The following GTF3C2 variants were observed in gnomAD, a reference collection of about 807,000 sequenced individuals.
GTF3C2 encodes the protein general transcription factor 3C polypeptide 2.
In GTF3C2, 17 loss-of-function variants were observed where a neutral mutation model predicts 117.4. The observed-to-expected ratio is 0.14, with a 90% confidence interval of 0.10 to 0.22. The LOEUF (loss-of-function observed/expected upper bound fraction) is 0.22. Among genes scored for constraint, GTF3C2 ranks in the 10% least tolerant of loss-of-function variants. The probability of loss-of-function intolerance (pLI) is 1.00; values close to 1 mark genes in which losing one functional copy is unlikely to be tolerated. For synonymous variants in GTF3C2, 437 were observed against 427.0 expected (o/e 1.02, Z -0.29); for missense variants, 888 against 1,143.6 (o/e 0.78, Z 3.22).
chr2:27,356,130 G>T, intron 1 of GTF3C2: 2 of 1,287,202 alleles, frequency 1.6e-6, no homozygotes, highest in Non-Finnish European at 2.0e-6. Context: ...CGACGGAGTT[G>T]AAGTCGCCAC....
In GTF3C2 at chr2:27,355,339, G is replaced by A. The variant is rs1363822022; in HGVS notation, c.-25+1400C>T. On this transcript the variant is annotated intron_variant, in intron 1 of 18. Coordinates refer to ENST00000264720, the Ensembl canonical transcript of GTF3C2. ...AGTTCGAGACCAGCCTGACCAACAT[G>A]GTAAAACCCCGTCTCTACTAAAAAT... 2.6e-5 allele frequency among the ~76,000 whole-genome samples: 4 copies of A among 152,214 alleles called. No individual in the cohort carries two copies. The East Asian group carries it at 7.7e-4, about 29-fold the overall frequency.
At chr2:27,336,294 C>A in exon 8 of GTF3C2, 1 of 1,614,126 alleles carries the variant, frequency 6.2e-7, no homozygotes, top group East Asian at 2.2e-5. Flanking sequence ...CATGTCAGGG[C>A]TGGAGAAAAG....
intron 4 of GTF3C2, chr2:27,340,577 C>A (rs894651827): frequency 6.6e-6 from 1 of 151,876 alleles, no homozygotes; most frequent in African/African-American, 2.4e-5. Context: ...CTCTTCTCTT[C>A]CTTCACTGCT....
At position 27,339,308 on chromosome 2, in the gene GTF3C2, G is replaced by A. The variant is rs1680627751; in HGVS notation, c.856-1288C>T. Among the ~76,000 whole-genome samples the A allele has an allele frequency of 3.3e-5, 5 of 151,584 alleles. No individual in the cohort carries two copies. In the South Asian group the frequency reaches 1.0e-3, roughly 32 times the overall value. The stretch of plus-strand genomic sequence containing the variant: ...CGTAATCTCAGCTACTTGGGAGGCT[G>A]AGGCGGGAGCATTGCTTGAACCCGG... On this transcript the variant is annotated intron_variant, in intron 4 of 18. Coordinates refer to ENST00000264720, the Ensembl canonical transcript of GTF3C2.
rs1572572377 is a variant in GTF3C2 at position 27,338,265 on chromosome 2, A to G, written c.856-245T>C. ...TCTGTTCAGCTTCCTCAACATCTCC[A>G]TGGTATTTGATTCACAGGATTCCCT... On this transcript the variant is annotated intron_variant, in intron 4 of 18. Transcript: ENST00000264720. The G allele has an allele frequency of 1.1e-5, 5 of 472,180 alleles. No homozygotes were observed. The South Asian group carries it at 1.1e-4, about 10-fold the overall frequency. 29.2% of individuals were successfully genotyped at this position (472,180 alleles called of 1,614,324 possible). A position where few individuals can be genotyped will look rare whatever the true frequency, so the allele number is the denominator to read the frequency against.
chr2:27,353,336 T>C (rs1041785768), intron 1 of GTF3C2, among the ~76,000 whole-genome samples: 2 of 149,856 alleles, frequency 1.3e-5, no homozygotes, highest in Non-Finnish European at 3.0e-5. Context: ...TGAGCCAAGA[T>C]TGCACCACTG....
exon 4 of GTF3C2, chr2:27,342,161 C>T (rs1305252605): frequency 6.2e-7 from 1 of 1,614,172 alleles, no homozygotes. Context: ...CCTTGGGGCC[C>T]TCAGGACAGG....
chr2:27,343,501 C>G, exon 2 of GTF3C2: 1 of 1,613,952 alleles, frequency 6.2e-7, no homozygotes, highest in Non-Finnish European at 8.5e-7. Flanking sequence ...CAGTCATGTT[C>G]CCCACGGGGC....
chr2:27,326,801 G>A (rs762045776), exon 19 of GTF3C2: 3 of 1,613,676 alleles, frequency 1.9e-6, no homozygotes, highest in Admixed American at 3.3e-5. Context: ...CCAGTGGGGA[G>A]GCGAGTCCAC....
intron 1 of GTF3C2, among the ~76,000 whole-genome samples, chr2:27,345,742 T>A (rs1456618395): frequency 6.6e-6 from 1 of 151,202 alleles, no homozygotes; most frequent in Non-Finnish European, 1.5e-5. Flanking sequence ...AGATGGAGTT[T>A]CACTATCGTT....
chr2:27,343,195 T>G, intron 2 of GTF3C2, 48 bp from the exon 3 acceptor site: 1 of 1,507,962 alleles, frequency 6.6e-7, no homozygotes. Context: ...AACTCAAACC[T>G]CTATGGAAAA....
At chr2:27,338,267 G>T (rs1007942794) in intron 4 of GTF3C2, 1 of 471,686 alleles carries the variant, frequency 2.1e-6, no homozygotes, top group Admixed American at 3.4e-5. Context: ...ACATCTCCAT[G>T]GTATTTGATT....
At chr2:27,345,534 A>G (rs1018555114) in intron 1 of GTF3C2, among the ~76,000 whole-genome samples, 1 of 151,450 alleles carries the variant, frequency 6.6e-6, no homozygotes, top group Admixed American at 6.6e-5. Flanking sequence ...TGGAGGTTGC[A>G]GCGAGCCGAG....
At chr2:27,356,455 T>C (rs1681387623) in intron 1 of GTF3C2, 1 of 255,110 alleles carries the variant, frequency 3.9e-6, no homozygotes, top group Admixed American at 4.3e-5. Context: ...ACGCTACGTA[T>C]GCAGCGCCTA....
In GTF3C2 at chr2:27,336,047, TG is replaced by T. The variant is rs776686408; in HGVS notation, c.1356-20del. 9 of 1,528,850 alleles carry T rather than the reference TG, an allele frequency of 5.9e-6. No individual in the cohort carries two copies. In the East Asian group the frequency reaches 1.8e-4, roughly 31 times the overall value. The allele number at this position is 1,528,850 out of a possible 1,614,324, so 94.7% of individuals were successfully genotyped here. A position where few individuals can be genotyped will look rare whatever the true frequency, so the allele number is the denominator to read the frequency against. ...GCCAGGACTGGAGAGAGAGAGCATGTGGGGATGGTGGGTAGGAAGAAGGGAC... is the reference window on the plus strand; with the variant it reads ...GCCAGGACTGGAGAGAGAGAGCATGTGGGATGGTGGGTAGGAAGAAGGGAC... On this transcript the variant is annotated intron_variant, in intron 8 of 18. Coordinates refer to ENST00000264720, the Ensembl canonical transcript of GTF3C2.
chr2:27,328,433 A>AT (rs1447883546), intron 16 of GTF3C2, 35 bp downstream of exon 16: 2 of 1,611,902 alleles, frequency 1.2e-6, no homozygotes, highest in Non-Finnish European at 1.7e-6. Flanking sequence ...GTGGGTTAGG[A>AT]TCCAACAGCT....
At chr2:27,341,821 CT>C in intron 4 of GTF3C2, 126 bp downstream of exon 4, 1 of 781,552 alleles carries the variant, frequency 1.3e-6, no homozygotes, top group Middle Eastern at 2.7e-4. Context: ...GAAATGGACC[CT>C]TTTTTCTTTA....
rs1000789338 is a variant in GTF3C2, at chr2:27,329,742, C to T, written c.1733-219G>A. 1.3e-5 allele frequency among the ~76,000 whole-genome samples: 2 copies of T among 152,158 alleles called. No homozygotes were observed. Among genetic ancestry groups the T allele is most frequent in the South Asian group, 2.1e-4 (1 of 4,828 alleles). ...ATTCTCATCAACAAAAAAGTAATAG[C>T]TTTGTCTGGAATCTACAGTTGAAAA... On this transcript the variant is annotated intron_variant, in intron 12 of 18. Coordinates refer to ENST00000264720, the Ensembl canonical transcript of GTF3C2. The surrounding 1 kb of genome is among the most constrained non-coding windows in gnomAD (Gnocchi z 4.5).
intron 7 of GTF3C2, chr2:27,336,899 C>T (rs1293303909): frequency 7.9e-6 from 2 of 251,898 alleles, no homozygotes; most frequent in Non-Finnish European, 1.5e-5. Context: ...TGTGAGCCAC[C>T]ACACCCGGCC....
Sources: gnomAD v4.1 joint callset for allele counts (sites outside exome capture counted in the v4.1 genomes callset) on GRCh38, gnomAD v4.1.1 for gene constraint, Gnocchi (gnomAD v3.1) non-coding constraint, MANE v1.5 for transcripts, NCBI Gene and HGNC (gene_info 2026-07-23, HGNC 2026-07-21) for gene names.